Variants in UAP1 observed in about 807,000 individuals in gnomAD.
The protein encoded by UAP1 is UDP-N-acetylhexosamine pyrophosphorylase.
A neutral mutation model predicts 58.5 loss-of-function variants in UAP1; 25 were observed. That is an observed-to-expected ratio of 0.43 (90% CI 0.31 to 0.60). UAP1 has a LOEUF of 0.60. UAP1 is among the 20% of genes least tolerant of loss of function. The pLI is 0.11. For missense variants in UAP1, 575 were observed against 630.0 expected, an observed-to-expected ratio of 0.91 and a Z score of 0.93; for synonymous variants, 208 against 213.0, an observed-to-expected ratio of 0.98 and a Z score of 0.21.
rs142484257 is a variant in UAP1, at chr1:162,579,996, C to T, written c.661+393C>T. ...TCTCCTGCCTCAGCCTCCTGAGTAG[C>T]TGGGATTACAGGCACGCGCCACCAT... On this transcript the variant is annotated intron_variant, in intron 4 of 10. Transcript: ENST00000271469. Among the ~76,000 whole-genome samples the T allele has an allele frequency of 3.1e-3, 478 of 152,264 alleles. 1 individual carries two copies. Among genetic ancestry groups the T allele is most frequent in the African/African-American group, 0.011 (450 of 41,558 alleles).
At chr1:162,597,250 A>G (rs901889452) in intron 9 of UAP1, 2 of 152,248 alleles carry the variant, frequency 1.3e-5, no homozygotes, top group African/African-American at 4.8e-5. Flanking sequence ...TGTGATTATT[A>G]TGACTGAGAA....
intron 2 of UAP1, among the ~76,000 whole-genome samples, chr1:162,569,477 A>C (rs1199892962): frequency 1.3e-5 from 2 of 152,264 alleles, no homozygotes; most frequent in East Asian, 3.8e-4. Flanking sequence ...TGGAATGTAA[A>C]GGAGCAACTA....
intron 9 of UAP1, among the ~76,000 whole-genome samples, chr1:162,595,812 T>G (rs932478626): frequency 6.6e-6 from 1 of 152,188 alleles, no homozygotes; most frequent in South Asian, 2.1e-4. Context: ...TGGGAGGCAG[T>G]GACTTAGCAG....
Position 162,587,682 on chromosome 1 carries a change from G to A in UAP1, c.1028+14G>A. 8.1e-6 allele frequency: 13 copies of A among 1,600,480 alleles called. No individual in the cohort carries two copies. The highest frequency in any genetic ancestry group is 1.1e-5 in the Non-Finnish European group (13 of 1,171,494). ...AGATGTTGTCAAGTATGGGCAAGATGGGGGCCTTTTAAAATTATATTTATT... is the reference window on the plus strand; with the variant it reads ...AGATGTTGTCAAGTATGGGCAAGATAGGGGCCTTTTAAAATTATATTTATT... On this transcript the variant is annotated intron_variant, in intron 6 of 10. Transcript: ENST00000271469.
chr1:162,563,079 C>T (rs1282618666), intron 1 of UAP1, among the ~76,000 whole-genome samples: 2 of 152,172 alleles, frequency 1.3e-5, no homozygotes, highest in Non-Finnish European at 2.9e-5. Flanking sequence ...TCAACTTTTT[C>T]AGATTTCGGT....
chr1:162,594,915 A>G (rs949382978), intron 9 of UAP1, among the ~76,000 whole-genome samples: 1 of 152,230 alleles, frequency 6.6e-6, no homozygotes, highest in Admixed American at 6.5e-5. Flanking sequence ...CCAAAGGATG[A>G]CCTTACACAG....
intron 2 of UAP1, among the ~76,000 whole-genome samples, chr1:162,572,244 A>G (rs1202277094): frequency 6.6e-6 from 1 of 152,242 alleles, no homozygotes; most frequent in Non-Finnish European, 1.5e-5. Context: ...ATTTATCTGA[A>G]TAAAGAATGA....
chr1:162,590,319 C>T lies in UAP1; in HGVS notation c.1170-4C>T, dbSNP rs2101825162. 2.5e-6 allele frequency: 4 copies of T among 1,608,262 alleles called. No individual in the cohort carries two copies. The highest frequency in any genetic ancestry group is 4.5e-5 in the East Asian group (2 of 44,774). On this transcript the variant is annotated splice_polypyrimidine_tract_variant and splice_region_variant and intron_variant, in intron 7 of 10. Coordinates refer to ENST00000271469, the Ensembl canonical transcript of UAP1. The stretch of plus-strand genomic sequence containing the variant: ...AAAGAGGTCTTTATATGGTTTCGCT[C>T]TAGGAAGTTTGTGGTATATGAAGTA...
intron 9 of UAP1, among the ~76,000 whole-genome samples, chr1:162,595,123 C>T (rs537809328): frequency 6.9e-4 from 105 of 152,306 alleles, no homozygotes; most frequent in African/African-American, 2.5e-3. Flanking sequence ...AATTGTGGGG[C>T]AGTAGGTTTA....
intron 2 of UAP1, among the ~76,000 whole-genome samples, chr1:162,572,628 C>A (rs1184672930): frequency 6.6e-6 from 1 of 152,182 alleles, no homozygotes; most frequent in African/African-American, 2.4e-5. Context: ...GAACAGAGAT[C>A]TCTGTGTCCA....
At chr1:162,594,076 T>A (rs1655483730) in intron 9 of UAP1, among the ~76,000 whole-genome samples, 1 of 152,138 alleles carries the variant, frequency 6.6e-6, no homozygotes, top group African/African-American at 2.4e-5. Context: ...CTTGGGGTGG[T>A]GAGGGTGGTT....
intron 2 of UAP1, among the ~76,000 whole-genome samples, chr1:162,572,027 T>C (rs536259629): frequency 4.6e-5 from 7 of 152,196 alleles, no homozygotes; most frequent in Non-Finnish European, 8.8e-5. Flanking sequence ...GCCTTTTTAT[T>C]GCAAATATAT....
intron 9 of UAP1, 83 bp from the exon 10 acceptor site, chr1:162,597,709 G>T (rs1410657204): frequency 8.9e-7 from 1 of 1,120,096 alleles, no homozygotes; most frequent in Non-Finnish European, 1.3e-6. Context: ...AAGCTTCTCA[G>T]AGGAAAGTTA....
chr1:162,588,492 TATTTG>T (rs1655055684), intron 6 of UAP1, among the ~76,000 whole-genome samples, 196 bp from the exon 7 acceptor site: 1 of 152,158 alleles, frequency 6.6e-6, no homozygotes, highest in Non-Finnish European at 1.5e-5. Flanking sequence ...TGGAGACTGT[TATTTG>T]ATTTTTTTTT....
intron 1 of UAP1, among the ~76,000 whole-genome samples, chr1:162,563,754 A>T (rs563494810): frequency 1.3e-5 from 2 of 152,316 alleles, no homozygotes; most frequent in South Asian, 4.1e-4. Context: ...TTTGGTTTAT[A>T]TCTTAAAATG....
At chr1:162,597,901 T>C in intron 10 of UAP1, 43 bp downstream of exon 10, 1 of 1,518,754 alleles carries the variant, frequency 6.6e-7, no homozygotes, top group Non-Finnish European at 9.0e-7. Context: ...TACAAAGCTT[T>C]GTATATTTCA....
At chr1:162,585,774 C>G (rs970607854) in intron 5 of UAP1, among the ~76,000 whole-genome samples, 23 of 58,846 alleles carry the variant, frequency 3.9e-4, no homozygotes, top group African/African-American at 1.5e-3. Flanking sequence ...GAAAATAAAC[C>G]TGTGTGCGTT....
At chr1:162,564,861 A>C (rs1653391049) in intron 1 of UAP1, among the ~76,000 whole-genome samples, 1 of 152,084 alleles carries the variant, frequency 6.6e-6, no homozygotes, top group Non-Finnish European at 1.5e-5. Flanking sequence ...CATGGCCACC[A>C]GGCTCTGCTT....
At chr1:162,594,705 A>G (rs191436772) in intron 9 of UAP1, among the ~76,000 whole-genome samples, 145 of 152,368 alleles carry the variant, frequency 9.5e-4, no homozygotes, top group Non-Finnish European at 1.7e-3. Context: ...TAGATTGTTA[A>G]TTATATAACT....
Sources: gnomAD v4.1 joint callset for allele counts (sites outside exome capture counted in the v4.1 genomes callset) on GRCh38, gnomAD v4.1.1 for gene constraint, MANE v1.5 for transcripts, NCBI Gene and HGNC (gene_info 2026-07-23, HGNC 2026-07-21) for gene names.